The following SSC4D variants were observed in gnomAD, a reference collection of about 807,000 sequenced individuals.
The protein encoded by SSC4D is scavenger receptor cysteine rich family member with 4 domains.
SSC4D carries 57 observed loss-of-function variants against 63.4 expected under a neutral mutation model. The ratio of observed to expected loss-of-function variants is 0.90; its 90% CI spans 0.73 to 1.12. The LOEUF (loss-of-function observed/expected upper bound fraction) is 1.12. SSC4D is among the 50% of genes most tolerant of loss of function. The pLI, the probability that SSC4D is intolerant of heterozygous loss-of-function variation, is 0.00. For synonymous variants in SSC4D, 352 were observed against 345.4 expected, an observed-to-expected ratio of 1.02 and a Z score of -0.21; for missense variants, 791 against 806.4, an observed-to-expected ratio of 0.98 and a Z score of 0.23.
At position 76,393,680 on chromosome 7, in the gene SSC4D, C is replaced by G; in HGVS notation, c.1058G>C (p.Cys353Ser). The G allele has an allele frequency of 7.0e-7, 1 of 1,420,632 alleles. No homozygotes were observed. Among genetic ancestry groups the G allele is most frequent in the Non-Finnish European group, 9.1e-7 (1 of 1,094,138 alleles). The allele number at this position is 1,420,632 out of a possible 1,614,324, so 88.0% of individuals were successfully genotyped here. The change falls in exon 9 of 11, where the codon TGC becomes TCC. Residue 353 changes from cysteine (C) to serine (S), a missense_variant. Coordinates refer to ENST00000275560, the MANE Select transcript of SSC4D (RefSeq NM_080744.2). ...GTGCAACACCTCCACGCGGCCGCGG[C>G]ACGGACCCGGGCCGCCCACCAGTCG... The part of the protein sequence containing the change: ...RLRLVGGPGP[C>S]RGRVEVLHAG...
chr7:76,400,375 C>A lies in SSC4D; in HGVS notation c.386G>T (p.Gly129Val). The A allele has an allele frequency of 1.3e-6, 2 of 1,591,266 alleles. No individual in the cohort carries two copies. The highest frequency in any genetic ancestry group is 8.6e-7 in the Non-Finnish European group (1 of 1,165,492). ...GCACTCGCTCAGCGCAGCTTCCTGC[C>A]CGCGGCACTCCACGTTGTCCAGCAG... Reference protein sequence around the residue: ...PILLDNVECRGQEAALSECGS... With the variant: ...PILLDNVECRVQEAALSECGS... The change falls in exon 4 of 11, where the codon GGG becomes GTG. Residue 129 changes from glycine (G) to valine (V), a missense_variant. Coordinates refer to ENST00000275560, the MANE Select transcript of SSC4D (RefSeq NM_080744.2).
intron 2 of SSC4D, among the ~76,000 whole-genome samples, chr7:76,401,779 A>G (rs1478225392): frequency 6.6e-6 from 1 of 152,182 alleles, no homozygotes; most frequent in African/African-American, 2.4e-5. Context: ...TGGAGCCCTC[A>G]GCTAGAAGTG....
At chr7:76,407,889 G>A (rs1266486170) in intron 1 of SSC4D, among the ~76,000 whole-genome samples, 2 of 152,202 alleles carry the variant, frequency 1.3e-5, no homozygotes, top group African/African-American at 4.8e-5. Context: ...GGACTGGTTG[G>A]TTGGGGAGAG....
Position 76,401,050 on chromosome 7 carries a change from C to G in SSC4D, c.134-7G>C. ...GTGGGCTGTAGGGCGCTGGCTGAAA[C>G]AGAGTGAGGAAGAGCATTGGCCCCT... On this transcript the variant is annotated splice_region_variant and splice_polypyrimidine_tract_variant and intron_variant, in intron 2 of 10. Coordinates refer to ENST00000275560, the MANE Select transcript of SSC4D (RefSeq NM_080744.2). 2 of 1,545,864 alleles carry G rather than the reference C, an allele frequency of 1.3e-6. No homozygotes were observed. The highest frequency in any genetic ancestry group is 1.7e-6 in the Non-Finnish European group (2 of 1,144,028).
intron 3 of SSC4D, among the ~76,000 whole-genome samples, chr7:76,400,797 G>A (rs939537168): frequency 1.6e-4 from 24 of 152,246 alleles, no homozygotes; most frequent in African/African-American, 5.3e-4. Context: ...CGTGCACTAC[G>A]GGACCCAGCC....
intron 1 of SSC4D, among the ~76,000 whole-genome samples, chr7:76,408,313 C>T (rs1445124422): frequency 6.6e-6 from 1 of 152,134 alleles, no homozygotes. Context: ...GGACAGCCCC[C>T]AGTGGAATAA....
intron 4 of SSC4D, 104 bp downstream of exon 4, chr7:76,400,182 C>T: frequency 7.8e-7 from 1 of 1,276,934 alleles, no homozygotes; most frequent in Non-Finnish European, 1.0e-6. Context: ...GCCTGATCTG[C>T]ATGGAACAGC....
At position 76,393,581 on chromosome 7, in the gene SSC4D, C is replaced by T. The variant is rs576576422; in HGVS notation, c.1157G>A (p.Gly386Asp). ...CGTAGCGCCCAGCGCAGGCCCGCAG[C>T]CCGCTTCGCGGCAGGCCACGCGCGC... ...ADARVACREA[G>D]CGPALGATGL... is the part of the protein sequence containing the mutation. The change falls in exon 9 of 11, where the codon GGC (glycine) becomes GAC (aspartate). Residue 386 changes from glycine (G) to aspartate (D), a missense_variant. By Grantham distance (94) the Gly-to-Asp change is moderately conservative. Coordinates refer to ENST00000275560, the MANE Select transcript of SSC4D (RefSeq NM_080744.2). 2 of 1,511,554 alleles carry T rather than the reference C, an allele frequency of 1.3e-6. No individual in the cohort carries two copies. The highest frequency in any genetic ancestry group is 1.4e-5 in the African/African-American group (1 of 69,708). 93.6% of individuals were successfully genotyped at this position (1,511,554 alleles called of 1,614,324 possible).
At position 76,399,119 on chromosome 7, in the gene SSC4D, T is replaced by C. The variant is rs542040595; in HGVS notation, c.476-322A>G. ...CTCCGCCTCCCTGGTTAAAGCAATTTGCCTGCCTCAGCCTCCTGAGTAGCT... is the reference window on the plus strand; with the variant it reads ...CTCCGCCTCCCTGGTTAAAGCAATTCGCCTGCCTCAGCCTCCTGAGTAGCT... On this transcript the variant is annotated intron_variant, in intron 4 of 10. Coordinates refer to ENST00000275560, the MANE Select transcript of SSC4D (RefSeq NM_080744.2). Among the ~76,000 whole-genome samples the C allele has an allele frequency of 3.7e-4, 57 of 152,124 alleles. 1 individual carries two copies. The highest frequency in any genetic ancestry group is 1.3e-3 in the African/African-American group (53 of 41,526).
chr7:76,400,007 AT>A (rs1467333981), intron 4 of SSC4D, among the ~76,000 whole-genome samples: 3 of 152,060 alleles, frequency 2.0e-5, no homozygotes, highest in Admixed American at 6.6e-5. Flanking sequence ...CTCTAAAAAA[AT>A]TTTTTTTAAA....
At chr7:76,393,259 A>T in intron 9 of SSC4D, 146 bp downstream of exon 9, 10 of 806,180 alleles carry the variant, frequency 1.2e-5, no homozygotes, top group African/African-American at 1.8e-5. Context: ...GAGCGGGCGC[A>T]CGGCGGGGCG....
At chr7:76,398,309 A>G (rs1035674867) in intron 5 of SSC4D, among the ~76,000 whole-genome samples, 7 of 127,212 alleles carry the variant, frequency 5.5e-5, no homozygotes, top group Non-Finnish European at 1.0e-4. Flanking sequence ...TTCATTTTCT[A>G]TTTTTTTTTT....
At chr7:76,402,177 C>T (rs1027827740) in intron 2 of SSC4D, among the ~76,000 whole-genome samples, 1 of 137,088 alleles carries the variant, frequency 7.3e-6, no homozygotes, top group African/African-American at 2.7e-5. Context: ...CCACCCTGCC[C>T]AGCTATTTTT....
At chr7:76,398,307 C>CTTTT (rs1309414426) in intron 5 of SSC4D, among the ~76,000 whole-genome samples, 1 of 132,782 alleles carries the variant, frequency 7.5e-6, no homozygotes, top group Non-Finnish European at 1.6e-5. Context: ...CATTCATTTT[C>CTTTT]TATTTTTTTT....
intron 1 of SSC4D, among the ~76,000 whole-genome samples, chr7:76,406,535 G>C (rs1404449020): frequency 6.6e-6 from 1 of 151,800 alleles, no homozygotes; most frequent in East Asian, 1.9e-4. Flanking sequence ...CCAGGCGGCA[G>C]TGCAGTGGCA....
intron 2 of SSC4D, among the ~76,000 whole-genome samples, chr7:76,403,120 G>C (rs1380323081): frequency 2.6e-5 from 4 of 152,192 alleles, no homozygotes; most frequent in Non-Finnish European, 5.9e-5. Flanking sequence ...AGACTACCCA[G>C]ACAGCCACAC....
Position 76,400,497 on chromosome 7 carries a change from G to T in SSC4D, c.264C>A (p.Asp88Glu). 1 of 1,600,542 alleles carries T rather than the reference G, an allele frequency of 6.2e-7. No individual in the cohort carries two copies. The change falls in exon 4 of 11, where the codon GAC becomes GAA. Residue 88 changes from aspartate to glutamate, a missense_variant. Transcript: ENST00000275560. Reference protein sequence around the residue: ...SWGSVCDDDWDVVDANVVCRQ... With the variant: ...SWGSVCDDDWEVVDANVVCRQ... ...GACACACTACGTTGGCGTCCACCAC[G>T]TCCCAGTCGTCATCACAGACGCTGC...
chr7:76,399,265 G>A (rs1466263219), intron 4 of SSC4D, among the ~76,000 whole-genome samples: 4 of 152,060 alleles, frequency 2.6e-5, no homozygotes, highest in East Asian at 1.9e-4. Flanking sequence ...CACCTGCCTC[G>A]GCTTCCCAAA....
At chr7:76,407,577 A>G (rs1303737718) in intron 1 of SSC4D, among the ~76,000 whole-genome samples, 2 of 152,060 alleles carry the variant, frequency 1.3e-5, no homozygotes, top group Non-Finnish European at 2.9e-5. Context: ...ACAAAACTAA[A>G]AAACAATTAG....
Sources: allele counts gnomAD v4.1 joint callset (sites outside exome capture counted in the v4.1 genomes callset), GRCh38; gene constraint gnomAD v4.1.1; transcripts MANE v1.5; gene names NCBI Gene and HGNC (gene_info 2026-07-23, HGNC 2026-07-21).